The following GRID2 variants were observed in gnomAD, a reference collection of about 807,000 sequenced individuals.
GRID2 encodes glutamate receptor ionotropic, delta-2.
GRID2 carries 33 observed loss-of-function variants against 114.8 expected under a neutral mutation model. The ratio of observed to expected loss-of-function variants is 0.29; its 90% CI spans 0.22 to 0.38. GRID2 has a LOEUF of 0.38. GRID2 is among the 10% of genes least tolerant of loss of function. The pLI, the probability that GRID2 is intolerant of heterozygous loss-of-function variation, is 1.00. For missense variants in GRID2, 1,184 were observed against 1,257.7 expected, an observed-to-expected ratio of 0.94 and a Z score of 0.89; for synonymous variants, 505 against 449.9, an observed-to-expected ratio of 1.12 and a Z score of -1.55.
chr4:92,976,382 T>G (rs1026847760), intron 2 of GRID2, among the ~76,000 whole-genome samples: 1 of 152,062 alleles, frequency 6.6e-6, no homozygotes, highest in African/African-American at 2.4e-5. Flanking sequence ...AATTCATGAA[T>G]AGTGAGATAC....
chr4:92,810,986 T>C (rs1419555090), intron 2 of GRID2, among the ~76,000 whole-genome samples: 1 of 152,078 alleles, frequency 6.6e-6, no homozygotes, highest in African/African-American at 2.4e-5. Context: ...TTTCACCATG[T>C]TGGCCAGGTT....
chr4:92,416,826 T>A (rs1162067868), intron 1 of GRID2, among the ~76,000 whole-genome samples: 1 of 152,108 alleles, frequency 6.6e-6, no homozygotes, highest in East Asian at 1.9e-4. Flanking sequence ...TAGTTTGACG[T>A]TGGGTAATGT....
intron 1 of GRID2, among the ~76,000 whole-genome samples, chr4:92,317,795 G>A (rs1399469362): frequency 2.6e-5 from 4 of 152,124 alleles, no homozygotes; most frequent in Admixed American, 2.0e-4. Context: ...AGAAGAATAA[G>A]CTGAATGACA....
intron 1 of GRID2, among the ~76,000 whole-genome samples, chr4:92,493,945 A>G (rs1054139593): frequency 3.3e-5 from 5 of 152,190 alleles, no homozygotes; most frequent in African/African-American, 1.2e-4. Flanking sequence ...AAGACACAAT[A>G]TGATTTGAAG....
intron 2 of GRID2, among the ~76,000 whole-genome samples, chr4:92,836,951 G>A (rs1453041985): frequency 6.6e-6 from 1 of 152,084 alleles, no homozygotes; most frequent in Non-Finnish European, 1.5e-5. Context: ...ATTGCTTGAG[G>A]AAATTTTAAA....
intron 2 of GRID2, among the ~76,000 whole-genome samples, chr4:92,629,758 T>A (rs1730700272): frequency 6.7e-6 from 1 of 150,202 alleles, no homozygotes; most frequent in African/African-American, 2.4e-5. Context: ...CTGAAGCACA[T>A]ATTTTAAAAT....
At position 93,750,209 on chromosome 4, in the gene GRID2, G is replaced by A. The variant is rs556862468; in HGVS notation, c.2361-19001G>A. ...CAAAGAGATAAAACACATTACTTTAGTGTTGGAACAAAGCACAAAATTATA... is the reference window on the plus strand; with the variant it reads ...CAAAGAGATAAAACACATTACTTTAATGTTGGAACAAAGCACAAAATTATA... On this transcript the variant is annotated intron_variant, in intron 14 of 15. Coordinates refer to ENST00000282020, the MANE Select transcript of GRID2 (RefSeq NM_001510.4). Among the ~76,000 whole-genome samples the A allele has an allele frequency of 3.9e-5, 6 of 152,266 alleles. No individual in the cohort carries two copies. In the South Asian group the frequency reaches 1.0e-3, roughly 26 times the overall value.
chr4:93,132,798 T>C lies in GRID2; in HGVS notation c.735+21845T>C, dbSNP rs1350259670. On this transcript the variant is annotated intron_variant, in intron 4 of 15. Transcript: ENST00000282020. ...GCTAAGAATTCACACAGAAAAGTGC[T>C]CGATGTGCTTCGAAATAGCTCAATC... Among the ~76,000 whole-genome samples the C allele has an allele frequency of 2.6e-5, 4 of 152,260 alleles. No individual in the cohort carries two copies. In the East Asian group the frequency reaches 7.7e-4, roughly 29 times the overall value.
intron 1 of GRID2, among the ~76,000 whole-genome samples, chr4:93,792,625 T>C (rs1450760622): frequency 6.6e-6 from 1 of 152,202 alleles, no homozygotes; most frequent in Non-Finnish European, 1.5e-5. Flanking sequence ...CCACTTTTAA[T>C]TCTGAATAAA....
intron 2 of GRID2, among the ~76,000 whole-genome samples, chr4:92,880,553 A>G (rs566384596): frequency 7.2e-5 from 11 of 152,202 alleles, no homozygotes; most frequent in Non-Finnish European, 1.2e-4. Flanking sequence ...AAATTTTGTC[A>G]TATAACTGTA....
intron 2 of GRID2, among the ~76,000 whole-genome samples, chr4:92,597,017 G>A (rs529893549): frequency 2.0e-4 from 30 of 151,750 alleles, no homozygotes; most frequent in Admixed American, 1.4e-3. Context: ...GGAACAAGAT[G>A]GTCTAGCTTT....
chr4:93,195,603 T>C (rs910432315), intron 4 of GRID2, among the ~76,000 whole-genome samples: 1 of 152,088 alleles, frequency 6.6e-6, no homozygotes, highest in Non-Finnish European at 1.5e-5. Context: ...GTCAATACAC[T>C]GGAAGGTTGA....
chr4:93,331,290 GT>G (rs1229007115), intron 8 of GRID2, among the ~76,000 whole-genome samples: 2 of 148,844 alleles, frequency 1.3e-5, no homozygotes, highest in Non-Finnish European at 3.0e-5. Flanking sequence ...CTGCTTGGGA[GT>G]TATTCTCTCT....
chr4:92,910,890 G>A (rs866279647), intron 2 of GRID2, among the ~76,000 whole-genome samples: 6 of 152,102 alleles, frequency 3.9e-5, no homozygotes, highest in African/African-American at 1.4e-4. Flanking sequence ...TACATGTTCA[G>A]TACAAACACA....
At chr4:92,365,377 G>A (rs764087772) in intron 1 of GRID2, among the ~76,000 whole-genome samples, 3 of 151,952 alleles carry the variant, frequency 2.0e-5, no homozygotes, top group Non-Finnish European at 2.9e-5. Flanking sequence ...AATAAGTCAG[G>A]CACTGAGAGA....
At chr4:92,933,711 G>A (rs1468546403) in intron 2 of GRID2, among the ~76,000 whole-genome samples, 1 of 151,540 alleles carries the variant, frequency 6.6e-6, no homozygotes, top group Admixed American at 6.6e-5. Flanking sequence ...GAGTAAAATT[G>A]AGAATAATTT....
At chr4:93,408,282 G>A (rs1026435857) in intron 9 of GRID2, among the ~76,000 whole-genome samples, 4 of 152,104 alleles carry the variant, frequency 2.6e-5, no homozygotes, top group African/African-American at 9.7e-5. Flanking sequence ...GAATTAAGAT[G>A]CATTTCGATA....
chr4:92,764,385 C>T (rs1738160790), intron 2 of GRID2, among the ~76,000 whole-genome samples: 1 of 152,164 alleles, frequency 6.6e-6, no homozygotes, highest in Non-Finnish European at 1.5e-5. Context: ...ACAACTGAAG[C>T]TCAAGCCCAA....
intron 7 of GRID2, among the ~76,000 whole-genome samples, chr4:93,236,482 A>G (rs1262125867): frequency 6.6e-6 from 1 of 152,008 alleles, no homozygotes; most frequent in Non-Finnish European, 1.5e-5. Context: ...AAGCTTCAGG[A>G]CATTTTCTGA....
Sources: allele counts gnomAD v4.1 joint callset (sites outside exome capture counted in the v4.1 genomes callset), GRCh38; gene constraint gnomAD v4.1.1; transcripts MANE v1.5; gene names NCBI Gene and HGNC (gene_info 2026-07-23, HGNC 2026-07-21).